The following MDFIC2 variants were observed in gnomAD, a reference collection of about 807,000 sequenced individuals.
MDFIC2 encodes the protein myoD family inhibitor domain-containing protein 2.
chr3:70,266,124 T>C (rs1300971690), intron 2 of MDFIC2, among the ~76,000 whole-genome samples: 1 of 152,242 alleles, frequency 6.6e-6, no homozygotes, highest in African/African-American at 2.4e-5. Context: ...TTGGCTATTA[T>C]ATCTTTTTCT....
intron 2 of MDFIC2, among the ~76,000 whole-genome samples, chr3:70,240,307 A>G (rs1207741086): frequency 6.6e-6 from 1 of 151,966 alleles, no homozygotes. Context: ...AACAGTAGCT[A>G]AGCCAGAAAC....
chr3:70,237,062 A>G (rs1701617131), intron 2 of MDFIC2, among the ~76,000 whole-genome samples: 1 of 111,096 alleles, frequency 9.0e-6, no homozygotes, highest in Admixed American at 9.5e-5. Flanking sequence ...TCTTTGACAA[A>G]TTTATTTGGT....
chr3:70,259,152 T>C (rs528550621), intron 2 of MDFIC2, among the ~76,000 whole-genome samples: 1 of 152,234 alleles, frequency 6.6e-6, no homozygotes, highest in Non-Finnish European at 1.5e-5. Context: ...AGGCCCTTTT[T>C]CATATGTGGT....
intron 2 of MDFIC2, among the ~76,000 whole-genome samples, chr3:70,236,321 T>TC (rs1347437170): frequency 6.6e-6 from 1 of 152,156 alleles, no homozygotes; most frequent in African/African-American, 2.4e-5. Context: ...AATGATTATC[T>TC]CCCCTTAATC....
At chr3:70,292,956 C>G (rs1702252887) in intron 2 of MDFIC2, among the ~76,000 whole-genome samples, 2 of 143,406 alleles carry the variant, frequency 1.4e-5, no homozygotes, top group Non-Finnish European at 3.0e-5. Flanking sequence ...CAATTAATTA[C>G]TAACAATTTA....
chr3:70,239,034 A>G (rs1701639462), intron 2 of MDFIC2, among the ~76,000 whole-genome samples: 1 of 152,324 alleles, frequency 6.6e-6, no homozygotes, highest in Middle Eastern at 3.4e-3. Flanking sequence ...AAAATGATCT[A>G]CAAAAATGGC....
intron 2 of MDFIC2, among the ~76,000 whole-genome samples, chr3:70,273,612 A>T (rs1362691209): frequency 6.6e-6 from 1 of 152,200 alleles, no homozygotes; most frequent in Non-Finnish European, 1.5e-5. Flanking sequence ...TTTGGTTTAT[A>T]AGAGCATTTT....
chr3:70,261,881 G>T (rs1175387330), intron 2 of MDFIC2, among the ~76,000 whole-genome samples: 1 of 152,106 alleles, frequency 6.6e-6, no homozygotes, highest in Admixed American at 6.6e-5. Flanking sequence ...TGTTATCCAA[G>T]AAGATCCGGG....
chr3:70,255,437 T>C (rs1049482975), intron 2 of MDFIC2, among the ~76,000 whole-genome samples: 3 of 152,144 alleles, frequency 2.0e-5, no homozygotes, highest in Admixed American at 6.5e-5. Flanking sequence ...TTTTTTTTCT[T>C]CTTTATTTTA....
At chr3:70,306,747 T>C (rs1034344695) in intron 2 of MDFIC2, among the ~76,000 whole-genome samples, 1 of 152,168 alleles carries the variant, frequency 6.6e-6, no homozygotes, top group African/African-American at 2.4e-5. Flanking sequence ...TTTCCCCTAT[T>C]GGTGACAATT....
At chr3:70,279,291 T>C (rs900570760) in intron 2 of MDFIC2, among the ~76,000 whole-genome samples, 1 of 151,922 alleles carries the variant, frequency 6.6e-6, no homozygotes, top group African/African-American at 2.4e-5. Flanking sequence ...CTCTGAGAGA[T>C]CAAACAAATC....
chr3:70,228,816 G>C (rs2106742725), intron 2 of MDFIC2, among the ~76,000 whole-genome samples: 1 of 151,540 alleles, frequency 6.6e-6, no homozygotes, highest in African/African-American at 2.4e-5. Context: ...ATGGATAGCT[G>C]GGTTATACCT....
chr3:70,225,301 A>T (rs1427896045), intron 2 of MDFIC2, among the ~76,000 whole-genome samples: 1 of 152,222 alleles, frequency 6.6e-6, no homozygotes, highest in African/African-American at 2.4e-5. Flanking sequence ...TGAGAATTAT[A>T]ATTATATGTC....
chr3:70,208,409 G>T (rs1452620094), intron 2 of MDFIC2, among the ~76,000 whole-genome samples: 1 of 152,028 alleles, frequency 6.6e-6, no homozygotes, highest in Admixed American at 6.6e-5. Flanking sequence ...TTAGTTTAGG[G>T]CCAATGGAAA....
intron 2 of MDFIC2, among the ~76,000 whole-genome samples, chr3:70,227,913 A>G (rs1032468994): frequency 6.6e-6 from 1 of 152,128 alleles, no homozygotes; most frequent in South Asian, 2.1e-4. Context: ...TTTAACTACC[A>G]TGGTGCACTG....
intron 2 of MDFIC2, among the ~76,000 whole-genome samples, chr3:70,246,137 A>G (rs1701706568): frequency 6.6e-6 from 1 of 151,962 alleles, no homozygotes; most frequent in South Asian, 2.1e-4. Context: ...TGCTTCTGGG[A>G]TGAACCGTAG....
intron 2 of MDFIC2, among the ~76,000 whole-genome samples, chr3:70,278,796 T>G (rs1017535221): frequency 2.0e-5 from 3 of 152,198 alleles, no homozygotes; most frequent in Middle Eastern, 3.4e-3. Context: ...GTCACTTATG[T>G]TTCCTATGCC....
intron 2 of MDFIC2, among the ~76,000 whole-genome samples, chr3:70,288,777 C>T (rs1330563505): frequency 6.6e-6 from 1 of 151,764 alleles, no homozygotes; most frequent in Non-Finnish European, 1.5e-5. Context: ...GGATAGTTAG[C>T]TCTTCTTGTT....
chr3:70,259,001 A>G (rs920387980), intron 2 of MDFIC2, among the ~76,000 whole-genome samples: 2 of 152,212 alleles, frequency 1.3e-5, no homozygotes, highest in African/African-American at 4.8e-5. Flanking sequence ...GGTGCAAGAT[A>G]TATAATAAAG....
Sources: allele counts gnomAD v4.1 joint callset (sites outside exome capture counted in the v4.1 genomes callset), GRCh38; gene constraint gnomAD v4.1.1; transcripts MANE v1.5; gene names NCBI Gene and HGNC (gene_info 2026-07-23, HGNC 2026-07-21).